Variants in TMC2 observed in about 807,000 individuals in gnomAD.
TMC2 encodes transmembrane channel-like protein 2.
In TMC2, 102 loss-of-function variants were observed where a neutral mutation model predicts 105.9. The observed-to-expected ratio is 0.96, with a 90% CI of 0.82 to 1.14. TMC2 has a LOEUF of 1.14. Ranked by LOEUF, TMC2 falls within the 50% of genes most tolerant of loss-of-function variation. The pLI, the probability that TMC2 is intolerant of heterozygous loss-of-function variation, is 0.00. For missense variants in TMC2, 1,093 were observed against 1,134.3 expected, an observed-to-expected ratio of 0.96 and a Z score of 0.52; for synonymous variants, 402 against 422.8, an observed-to-expected ratio of 0.95 and a Z score of 0.60.
intron 11 of TMC2, among the ~76,000 whole-genome samples, chr20:2,607,216 A>G (rs1168808895): frequency 6.6e-6 from 1 of 152,144 alleles, no homozygotes; most frequent in Non-Finnish European, 1.5e-5. Context: ...TGACTTTCCT[A>G]AGTTAACGGA....
At chr20:2,589,819 G>A (rs1274584682) in intron 7 of TMC2, among the ~76,000 whole-genome samples, 3 of 152,048 alleles carry the variant, frequency 2.0e-5, no homozygotes, top group East Asian at 1.9e-4. Flanking sequence ...ACAGGCGCCC[G>A]CCACCATGCC....
intron 2 of TMC2, among the ~76,000 whole-genome samples, chr20:2,551,170 A>G (rs1429007330): frequency 6.6e-6 from 1 of 152,198 alleles, no homozygotes; most frequent in Non-Finnish European, 1.5e-5. Flanking sequence ...TAAGCATGTA[A>G]TAGTATTTCA....
At position 2,616,102 on chromosome 20, in the gene TMC2, T is replaced by C. The variant is rs79248603; in HGVS notation, c.1873-35T>C. ...AATTCACCAAACGTGCTTTTTTTTTTCTCTCTCTCTCTCGCTCCCTCCCTC... is the reference window on the plus strand; with the variant it reads ...AATTCACCAAACGTGCTTTTTTTTTCCTCTCTCTCTCTCGCTCCCTCCCTC... On this transcript the variant is annotated intron_variant, in intron 14 of 19. Coordinates refer to ENST00000358864, the MANE Select transcript of TMC2 (RefSeq NM_080751.3). This position sits in a 1 kb window ranked among gnomAD's most constrained non-coding sequence, Gnocchi z 4.8. 1.9e-5 allele frequency: 22 copies of C among 1,141,582 alleles called. No individual in the cohort carries two copies. The highest frequency in any genetic ancestry group is 1.6e-4 in the Admixed American group (7 of 44,684). The allele number at this position is 1,141,582 out of a possible 1,614,324, so 70.7% of individuals were successfully genotyped here. A position where few individuals can be genotyped will look rare whatever the true frequency, so the allele number is the denominator to read the frequency against.
rs1035707466 is a variant in TMC2 at position 2,580,100 on chromosome 20, A to G, written c.834+44A>G. 4.1e-6 allele frequency: 5 copies of G among 1,207,094 alleles called. No homozygotes were observed. The African/African-American group carries it at 7.6e-5, about 18-fold the overall frequency. 74.8% of individuals were successfully genotyped at this position (1,207,094 alleles called of 1,614,324 possible). A position where few individuals can be genotyped will look rare whatever the true frequency, so the allele number is the denominator to read the frequency against. On this transcript the variant is annotated intron_variant, in intron 7 of 19. Coordinates refer to ENST00000358864, the MANE Select transcript of TMC2 (RefSeq NM_080751.3). Reference sequence around the variant, plus strand: ...AAATCTTTGGATAGAGTTAAGGCTTATGACCACCGTCATCAATTATCAACC... The same window carrying G: ...AAATCTTTGGATAGAGTTAAGGCTTGTGACCACCGTCATCAATTATCAACC...
intron 16 of TMC2, chr20:2,617,630 G>T: frequency 2.8e-6 from 1 of 361,816 alleles, no homozygotes; most frequent in Non-Finnish European, 5.2e-6. Flanking sequence ...ACATATTTGG[G>T]GGTACATGTG....
At chr20:2,597,094 T>C in intron 9 of TMC2, 57 bp from the exon 10 acceptor site, 1 of 1,577,008 alleles carries the variant, frequency 6.3e-7, no homozygotes, top group Non-Finnish European at 8.7e-7. Flanking sequence ...CAAGGTTCCC[T>C]GGGGGTGACA....
Position 2,616,061 on chromosome 20 carries a change from T to G in TMC2, c.1873-76T>G. On this transcript the variant is annotated intron_variant, in intron 14 of 19. Transcript: ENST00000358864. This position sits in a 1 kb window ranked among gnomAD's most constrained non-coding sequence, Gnocchi z 4.8. ...GGCCTTGGCTTGGCCAGTTGGTTGGTAGTAGGGTTTGGCTGAATTCACCAA... is the reference window on the plus strand; with the variant it reads ...GGCCTTGGCTTGGCCAGTTGGTTGGGAGTAGGGTTTGGCTGAATTCACCAA... 8.2e-7 allele frequency: 1 copy of G among 1,217,130 alleles called. No individual in the cohort carries two copies. Among genetic ancestry groups the G allele is most frequent in the South Asian group, 1.3e-5 (1 of 79,496 alleles). The allele number at this position is 1,217,130 out of a possible 1,614,324, so 75.4% of individuals were successfully genotyped here.
intron 11 of TMC2, 112 bp from the exon 12 acceptor site, chr20:2,610,307 C>G: frequency 2.0e-6 from 2 of 1,011,296 alleles, no homozygotes; most frequent in African/African-American, 3.3e-5. Flanking sequence ...CATCTCCAGG[C>G]GCAGCAGAGG....
chr20:2,536,647 A>C lies in TMC2; in HGVS notation c.26A>C (p.Lys9Thr). The C allele has an allele frequency of 6.3e-7, 1 of 1,575,814 alleles. No homozygotes were observed. The highest frequency in any genetic ancestry group is 1.7e-4 in the Middle Eastern group (1 of 6,026). Residue 9 changes from lysine (K) to threonine (T), a missense_variant, in exon 1 of 20, where the codon AAA becomes ACA. Transcript: ENST00000358864. Reference protein sequence around the residue: MSHQVKGLKEEARGGVKGR... With the variant: MSHQVKGLTEEARGGVKGR... ...ATGAGCCACCAGGTAAAGGGCCTGA[A>C]AGAGGAAGGTGAGTCCACGTCCTGA...
chr20:2,615,994 G>T, intron 14 of TMC2, 143 bp from the exon 15 acceptor site: 1 of 576,992 alleles, frequency 1.7e-6, no homozygotes, highest in Non-Finnish European at 3.1e-6. Context: ...CTAAATCTAA[G>T]GTTCTTCTCT....
chr20:2,623,736 G>A (rs1419506687), intron 16 of TMC2, among the ~76,000 whole-genome samples: 2 of 152,154 alleles, frequency 1.3e-5, no homozygotes, highest in Non-Finnish European at 2.9e-5. Context: ...ATGGTTCTTA[G>A]GTATTTGAAG....
intron 18 of TMC2, 42 bp downstream of exon 18, chr20:2,636,046 T>C (rs761879705): frequency 3.2e-6 from 5 of 1,578,264 alleles, no homozygotes; most frequent in Admixed American, 1.7e-5. Flanking sequence ...TAAAAAGAGA[T>C]CATGTTTTTG....
At position 2,641,137 on chromosome 20, in the gene TMC2, C is replaced by G. The variant is rs756623236; in HGVS notation, c.2507C>G (p.Thr836Ser). The G allele has an allele frequency of 5.0e-6, 8 of 1,613,944 alleles. No individual in the cohort carries two copies. Among genetic ancestry groups the G allele is most frequent in the South Asian group, 1.1e-5 (1 of 91,082 alleles). Residue 836 changes from threonine (T) to serine (S), a missense_variant, in exon 20 of 20, where the codon ACC (threonine) becomes AGC (serine). Transcript: ENST00000358864. ...CTTGTCTTGGTTCGTTTTCCAGAGA[C>G]CACTCCTCCCTCTGCCAGCCAAAGC... ...ATQLQLTKEE[T>S]TPPSASQSQA...
At chr20:2,591,809 CAAT>C (rs2086271273) in intron 7 of TMC2, among the ~76,000 whole-genome samples, 1 of 152,154 alleles carries the variant, frequency 6.6e-6, no homozygotes, top group Non-Finnish European at 1.5e-5. Flanking sequence ...ACATTTTTTA[CAAT>C]GAGTGTGTGT....
intron 17 of TMC2, among the ~76,000 whole-genome samples, chr20:2,632,585 T>TTTCTTG (rs940023555): frequency 6.6e-6 from 1 of 151,664 alleles, no homozygotes; most frequent in African/African-American, 2.4e-5. Flanking sequence ...ATTTTTGGGG[T>TTTCTTG]TTTTTGTTTT....
rs947993336 is a variant in TMC2 at position 2,637,597 on chromosome 20, C to T, written c.2503+6C>T. 1.9e-6 allele frequency: 3 copies of T among 1,590,612 alleles called. No homozygotes were observed. Among genetic ancestry groups the T allele is most frequent in the Non-Finnish European group, 1.7e-6 (2 of 1,158,888 alleles). On this transcript the variant is annotated splice_donor_region_variant and intron_variant, in intron 19 of 19. Coordinates refer to ENST00000358864, the MANE Select transcript of TMC2 (RefSeq NM_080751.3). ...GCTCCAACTCACCAAGGAAGGTAAGCTCTTTGTCATAATGATTATGTTTTA... is the reference window on the plus strand; with the variant it reads ...GCTCCAACTCACCAAGGAAGGTAAGTTCTTTGTCATAATGATTATGTTTTA...
Position 2,594,926 on chromosome 20 carries a change from G to T in TMC2, c.1035G>T (p.Gly345=). Residue 345 remains glycine, a synonymous_variant, in exon 9 of 20, where the codon GGG becomes GGT. Coordinates refer to ENST00000358864, the MANE Select transcript of TMC2 (RefSeq NM_080751.3). ...YRLPMAYFMV[G]VSVFGYSLII... The stretch of plus-strand genomic sequence containing the variant: ...TGCCTATGGCTTACTTTATGGTGGG[G>T]GTCAGCGTGTTCGGCTACAGCCTGA... The T allele has an allele frequency of 1.2e-6, 2 of 1,614,058 alleles. No individual in the cohort carries two copies. Among genetic ancestry groups the T allele is most frequent in the South Asian group, 1.1e-5 (1 of 91,076 alleles).
At position 2,641,711 on chromosome 20, in the gene TMC2, G is replaced by A. The variant is rs2086691216; in HGVS notation, c.*360G>A. 4.6e-6 allele frequency: 1 copy of A among 215,200 alleles called. No individual in the cohort carries two copies. Among genetic ancestry groups the A allele is most frequent in the Non-Finnish European group, 9.5e-6 (1 of 105,794 alleles). The allele number at this position is 215,200 out of a possible 1,614,324, so 13.3% of individuals were successfully genotyped here. A position where few individuals can be genotyped will look rare whatever the true frequency, so the allele number is the denominator to read the frequency against. On this transcript the variant is annotated 3_prime_UTR_variant, in exon 20 of 20. Coordinates refer to ENST00000358864, the MANE Select transcript of TMC2 (RefSeq NM_080751.3). ...ACTTTTTCCATGGGATACAGTTTAG[G>A]ACACGGGTTTCTGCCAGCTTCCCTA...
chr20:2,555,145 ATC>A (rs1421798757), intron 2 of TMC2, among the ~76,000 whole-genome samples: 1 of 152,136 alleles, frequency 6.6e-6, no homozygotes, highest in Non-Finnish European at 1.5e-5. Flanking sequence ...CAATGGTGCC[ATC>A]TCTCCTCACT....
Sources: allele counts gnomAD v4.1 joint callset (sites outside exome capture counted in the v4.1 genomes callset), GRCh38; gene constraint gnomAD v4.1.1; non-coding constraint Gnocchi (gnomAD v3.1); transcripts MANE v1.5; gene names NCBI Gene and HGNC (gene_info 2026-07-23, HGNC 2026-07-21).